Variants in RGPD2 observed in about 807,000 individuals in gnomAD.
RGPD2 encodes RANBP2 like and GRIP domain containing 2, also known as RANBP2-like and GRIP domain-containing protein 2.
A neutral mutation model predicts 36.0 loss-of-function variants in RGPD2; 2 were observed. The ratio of observed to expected loss-of-function variants is 0.06; its 90% CI spans 0.02 to 0.17. RGPD2 has a LOEUF of 0.17. Among genes scored for constraint, RGPD2 ranks in the 10% least tolerant of loss-of-function variants. RGPD2 has a pLI of 1.00. For synonymous variants in RGPD2, 19 were observed against 163.8 expected (o/e 0.12, Z 6.75); for missense variants, 40 against 464.3 (o/e 0.09, Z 8.40).
At chr2:87,853,869 C>T in the RGPD2 span, among the ~76,000 whole-genome samples, 1 of 152,044 alleles carries the variant, frequency 6.6e-6, no homozygotes, top group South Asian at 2.1e-4. Context: ...AAGGCCTAGG[C>T]TGACTATTTG....
At chr2:87,873,313 T>C in the RGPD2 span, among the ~76,000 whole-genome samples, 2 of 144,930 alleles carry the variant, frequency 1.4e-5, no homozygotes, top group African/African-American at 5.3e-5. Flanking sequence ...TATGTGTGCA[T>C]GTATCTTTAT....
intron 1 of RGPD2, among the ~76,000 whole-genome samples, 152 bp downstream of exon 1, chr2:87,825,477 CGCCGCCGCCGCCGCCCGGCCGAGGCCGAG>C (rs1686710655): frequency 9.6e-6 from 1 of 104,042 alleles, no homozygotes; most frequent in South Asian, 3.5e-4. Context: ...AGGCCGCCGT[CGCCGCCGCCGCCGCCCGGCCGAGGCCGAG>C]GCCGAGGCCG....
the RGPD2 span, among the ~76,000 whole-genome samples, chr2:87,921,377 A>C: frequency 1.3e-5 from 2 of 152,186 alleles, no homozygotes; most frequent in East Asian, 1.9e-4. Flanking sequence ...AGGAGTTTGC[A>C]TGTTAAAGAA....
the RGPD2 span, among the ~76,000 whole-genome samples, chr2:87,915,332 GTATATATAA>G: frequency 3.1e-5 from 3 of 96,704 alleles, no homozygotes; most frequent in African/African-American, 1.3e-4. Context: ...TATATATATT[GTATATATAA>G]TGTATATTAT....
chr2:87,865,298 C>T, the RGPD2 span, among the ~76,000 whole-genome samples: 2 of 151,584 alleles, frequency 1.3e-5, no homozygotes, highest in Admixed American at 6.6e-5. Context: ...TAATATTTTC[C>T]TGCACACATA....
At chr2:87,943,934 A>T in the RGPD2 span, among the ~76,000 whole-genome samples, 1 of 151,862 alleles carries the variant, frequency 6.6e-6, no homozygotes, top group Non-Finnish European at 1.5e-5. Context: ...AAATACATGG[A>T]TTTATTTCTG....
the RGPD2 span, among the ~76,000 whole-genome samples, chr2:87,974,690 T>C: frequency 6.6e-6 from 1 of 152,218 alleles, no homozygotes; most frequent in African/African-American, 2.4e-5. Context: ...TGCCAATGCC[T>C]TTGGTCAAGT....
the RGPD2 span, among the ~76,000 whole-genome samples, chr2:87,853,696 T>C: frequency 6.6e-6 from 1 of 151,310 alleles, no homozygotes; most frequent in African/African-American, 2.4e-5. Context: ...ATCCCAAATA[T>C]ACTTGAGTAG....
chr2:87,937,117 T>G, the RGPD2 span, among the ~76,000 whole-genome samples: 1 of 151,766 alleles, frequency 6.6e-6, no homozygotes, highest in African/African-American at 2.4e-5. Flanking sequence ...AAACTAGAGA[T>G]GAGCGGTAAA....
the RGPD2 span, among the ~76,000 whole-genome samples, chr2:87,865,214 C>A: frequency 6.6e-6 from 1 of 152,074 alleles, no homozygotes; most frequent in East Asian, 1.9e-4. Context: ...TTATAGGATT[C>A]TGTCTTTTGG....
the RGPD2 span, chr2:87,969,057 A>ATT: frequency 8.0e-5 from 10 of 125,526 alleles, no homozygotes; most frequent in Admixed American, 3.3e-4. Flanking sequence ...GAAAGTGAGA[A>ATT]TTTTTTTTTT....
At chr2:87,973,457 C>T in the RGPD2 span, among the ~76,000 whole-genome samples, 1 of 133,258 alleles carries the variant, frequency 7.5e-6, no homozygotes, top group African/African-American at 2.7e-5. Flanking sequence ...GGGCTGTCTT[C>T]CAGTGAAGGG....
chr2:87,965,676 CATA>C, the RGPD2 span, among the ~76,000 whole-genome samples: 1 of 136,608 alleles, frequency 7.3e-6, no homozygotes, highest in African/African-American at 2.5e-5. Flanking sequence ...TGCATATACA[CATA>C]ATAACTCCAG....
chr2:87,952,772 T>G, the RGPD2 span, among the ~76,000 whole-genome samples: 1 of 152,232 alleles, frequency 6.6e-6, no homozygotes, highest in Non-Finnish European at 1.5e-5. Flanking sequence ...CGTTGTGTAA[T>G]TAGAAGACAT....
At chr2:87,849,115 A>G in the RGPD2 span, among the ~76,000 whole-genome samples, 16 of 152,026 alleles carry the variant, frequency 1.1e-4, no homozygotes, top group Non-Finnish European at 2.1e-4. Context: ...ATTTATGGAG[A>G]GAAAAATTGT....
the RGPD2 span, among the ~76,000 whole-genome samples, chr2:87,912,831 C>T: frequency 1.4e-3 from 177 of 124,220 alleles, no homozygotes; most frequent in Non-Finnish European, 2.5e-3. Context: ...CCCTGATTGA[C>T]GCTTCTTAGT....
At chr2:87,849,399 A>C in the RGPD2 span, among the ~76,000 whole-genome samples, 5 of 152,208 alleles carry the variant, frequency 3.3e-5, no homozygotes, top group Admixed American at 1.3e-4. Flanking sequence ...TACAATTACT[A>C]GTATAATTAC....
At chr2:87,967,809 G>T in the RGPD2 span, among the ~76,000 whole-genome samples, 2 of 150,870 alleles carry the variant, frequency 1.3e-5, no homozygotes, top group Non-Finnish European at 2.9e-5. Flanking sequence ...GCAGACTGGG[G>T]AACTAGAAAT....
the RGPD2 span, among the ~76,000 whole-genome samples, chr2:87,919,169 A>T: frequency 6.6e-6 from 1 of 152,046 alleles, no homozygotes; most frequent in Non-Finnish European, 1.5e-5. Context: ...ATTTATGATA[A>T]GCACTGCCGA....
Sources: gnomAD v4.1 joint callset for allele counts (sites outside exome capture counted in the v4.1 genomes callset) on GRCh38, gnomAD v4.1.1 for gene constraint, MANE v1.5 for transcripts, NCBI Gene and HGNC (gene_info 2026-07-23, HGNC 2026-07-21) for gene names.